KAT6B: variants seen among roughly 807,000 people sequenced by gnomAD.
The protein encoded by KAT6B is lysine acetyltransferase 6B.
KAT6B carries 10 observed loss-of-function variants against 187.5 expected under a neutral mutation model. The observed-to-expected ratio is 0.05, with a 90% CI of 0.03 to 0.09. The LOEUF (loss-of-function observed/expected upper bound fraction) is 0.09. KAT6B is among the 10% of genes least tolerant of loss of function. The pLI is 1.00. For missense variants in KAT6B, 1,952 were observed against 2,558.9 expected (o/e 0.76, Z 5.12); for synonymous variants, 861 against 926.8 (o/e 0.93, Z 1.29).
chr10:74,982,773 C>T (rs1339767319), intron 11 of KAT6B: 1 of 152,284 alleles, frequency 6.6e-6, no homozygotes, highest in Non-Finnish European at 1.5e-5. Context: ...GTGCTCATTC[C>T]TAGGTGCTTG....
At chr10:74,990,402 A>G (rs1475196578) in intron 13 of KAT6B, among the ~76,000 whole-genome samples, 1 of 152,086 alleles carries the variant, frequency 6.6e-6, no homozygotes, top group Non-Finnish European at 1.5e-5. Context: ...GTGAATCTAA[A>G]TCTATATTGT....
chr10:74,986,139 G>A (rs932686692), intron 12 of KAT6B, among the ~76,000 whole-genome samples: 2 of 152,144 alleles, frequency 1.3e-5, no homozygotes, highest in Non-Finnish European at 2.9e-5. Context: ...TTGAGGGGAC[G>A]GATATAGCTT....
intron 3 of KAT6B, among the ~76,000 whole-genome samples, chr10:74,891,408 T>C (rs1304461791): frequency 6.6e-6 from 1 of 152,260 alleles, no homozygotes; most frequent in Non-Finnish European, 1.5e-5. Flanking sequence ...TCTGCCACGA[T>C]GTAACTTAAC....
intron 3 of KAT6B, among the ~76,000 whole-genome samples, chr10:74,938,674 T>A (rs1485716022): frequency 6.6e-6 from 1 of 152,190 alleles, no homozygotes; most frequent in Non-Finnish European, 1.5e-5. Context: ...TTTCCAATGA[T>A]CTGTCAAACA....
At chr10:74,946,531 A>G (rs185111019) in intron 3 of KAT6B, among the ~76,000 whole-genome samples, 31 of 152,366 alleles carry the variant, frequency 2.0e-4, no homozygotes, top group Admixed American at 2.0e-3. Flanking sequence ...TATTTACAGT[A>G]AAATACTACT....
intron 13 of KAT6B, among the ~76,000 whole-genome samples, chr10:74,992,877 C>T (rs1843199969): frequency 6.6e-6 from 1 of 152,110 alleles, no homozygotes; most frequent in Non-Finnish European, 1.5e-5. Context: ...TATAAACTCC[C>T]TAGTGGGTTT....
At position 75,027,163 on chromosome 10, in the gene KAT6B, G is replaced by A. The variant is rs189273677; in HGVS notation, c.3665-1326G>A. 1.6e-4 allele frequency among the ~76,000 whole-genome samples: 24 copies of A among 152,212 alleles called. 1 individual carries two copies. Among genetic ancestry groups the A allele is most frequent in the African/African-American group, 3.4e-4 (14 of 41,542 alleles). On this transcript the variant is annotated intron_variant, in intron 17 of 17. Coordinates refer to ENST00000287239, the MANE Select transcript of KAT6B (RefSeq NM_012330.4). The stretch of plus-strand genomic sequence containing the variant: ...CAAAAATAAAAAGAATGTGGAATCC[G>A]GGGGCACTGGCATGGCTATTACCTG...
Position 75,030,749 on chromosome 10 carries a change from A to G in KAT6B, c.5925A>G (p.Pro1975=). 6.2e-7 allele frequency: 1 copy of G among 1,614,216 alleles called. No homozygotes were observed. Among genetic ancestry groups the G allele is most frequent in the Non-Finnish European group, 8.5e-7 (1 of 1,180,032 alleles). The part of the protein sequence containing the change: ...MNMSVNLMPA[P]AYNVNSVNMN... Reference sequence around the variant, plus strand: ...TGAGTGTGAACCTGATGCCAGCGCCAGCCTACAATGTCAACTCTGTGAACA... The same window carrying G: ...TGAGTGTGAACCTGATGCCAGCGCCGGCCTACAATGTCAACTCTGTGAACA... The change falls in exon 18 of 18, where the codon CCA becomes CCG. Residue 1975 remains proline, a synonymous_variant. Transcript: ENST00000287239. This position sits in a 1 kb window ranked among gnomAD's most constrained non-coding sequence, Gnocchi z 4.8.
At position 74,842,682 on chromosome 10, in the gene KAT6B, T is replaced by G; in HGVS notation, c.-176T>G. 1 of 705,230 alleles carries G rather than the reference T, an allele frequency of 1.4e-6. No individual in the cohort carries two copies. The highest frequency in any genetic ancestry group is 2.4e-6 in the Non-Finnish European group (1 of 412,156). The allele number at this position is 705,230 out of a possible 1,614,324, so 43.7% of individuals were successfully genotyped here. On this transcript the variant is annotated 5_prime_UTR_variant, in exon 3 of 18. Coordinates refer to ENST00000287239, the MANE Select transcript of KAT6B (RefSeq NM_012330.4). ...AAATAAGACAACCATCAACATTGCC[T>G]GTTTGTCTGCTTTTGAATCTCTTAA...
chr10:74,926,718 C>T (rs183286551), intron 3 of KAT6B, among the ~76,000 whole-genome samples: 2 of 152,254 alleles, frequency 1.3e-5, no homozygotes, highest in African/African-American at 4.8e-5. Flanking sequence ...GACCAAATTA[C>T]GTCTGTGAAA....
intron 16 of KAT6B, 148 bp downstream of exon 16, chr10:75,022,379 C>G (rs1387105560): frequency 1.0e-6 from 1 of 963,008 alleles, no homozygotes; most frequent in Non-Finnish European, 1.7e-6. Context: ...ATATCATAAT[C>G]GTTTATCTCA....
intron 3 of KAT6B, among the ~76,000 whole-genome samples, chr10:74,913,705 G>C (rs1589609205): frequency 6.6e-6 from 1 of 152,308 alleles, no homozygotes; most frequent in Middle Eastern, 3.4e-3. Context: ...ACACAAAGGG[G>C]AAAGAAAACT....
At chr10:74,843,720 C>T (rs967401237) in intron 3 of KAT6B, among the ~76,000 whole-genome samples, 16 of 152,230 alleles carry the variant, frequency 1.1e-4, no homozygotes, top group Non-Finnish European at 2.2e-4. Context: ...GCTCTAATTG[C>T]TAACTGGTTG....
intron 3 of KAT6B, among the ~76,000 whole-genome samples, chr10:74,958,452 A>G (rs754284662): frequency 6.6e-6 from 1 of 152,204 alleles, no homozygotes; most frequent in Non-Finnish European, 1.5e-5. Context: ...ATGAGATTCA[A>G]ATATAGAGAC....
intron 13 of KAT6B, among the ~76,000 whole-genome samples, chr10:75,012,466 G>C (rs1326938134): frequency 2.6e-5 from 4 of 152,102 alleles, no homozygotes; most frequent in Non-Finnish European, 2.9e-5. Flanking sequence ...AGAAAAAGGA[G>C]CAATTAATTC....
chr10:74,993,397 C>T (rs1263988002), intron 13 of KAT6B, among the ~76,000 whole-genome samples: 1 of 152,182 alleles, frequency 6.6e-6, no homozygotes, highest in Non-Finnish European at 1.5e-5. Context: ...CAATCTCTCC[C>T]TTTGTTTCTC....
intron 3 of KAT6B, among the ~76,000 whole-genome samples, chr10:74,902,009 C>T (rs1846434617): frequency 6.6e-6 from 1 of 152,064 alleles, no homozygotes; most frequent in Non-Finnish European, 1.5e-5. Flanking sequence ...TCCTCCTGTC[C>T]ACCCATCCCT....
At position 74,829,730 on chromosome 10, in the gene KAT6B, T is replaced by C. The variant is rs1335272485; in HGVS notation, c.-329+2945T>C. On this transcript the variant is annotated intron_variant, in intron 1 of 17. Transcript: ENST00000287239. ...AGAGTGCTGGGATTAAATAAATAGT[T>C]TTATGTGGCTGGGTGTGGTGGCTCA... 2.0e-5 allele frequency among the ~76,000 whole-genome samples: 3 copies of C among 151,426 alleles called. No individual in the cohort carries two copies. In the East Asian group the frequency reaches 6.0e-4, roughly 30 times the overall value.
intron 3 of KAT6B, among the ~76,000 whole-genome samples, chr10:74,896,045 A>G (rs1041305207): frequency 6.6e-6 from 1 of 151,318 alleles, no homozygotes; most frequent in Non-Finnish European, 1.5e-5. Flanking sequence ...CTTTTCCTTT[A>G]AAGACTCAGC....
Sources: allele counts gnomAD v4.1 joint callset (sites outside exome capture counted in the v4.1 genomes callset), GRCh38; gene constraint gnomAD v4.1.1; non-coding constraint Gnocchi (gnomAD v3.1); transcripts MANE v1.5; gene names NCBI Gene and HGNC (gene_info 2026-07-23, HGNC 2026-07-21).